CCDC167: variants seen among roughly 807,000 people sequenced by gnomAD.
CCDC167 encodes the protein coiled-coil domain-containing protein 167.
In CCDC167, 15 loss-of-function variants were observed where a neutral mutation model predicts 12.7. The observed-to-expected ratio is 1.18, with a 90% CI of 0.79 to 1.81. The LOEUF is 1.81. Ranked by LOEUF, CCDC167 falls within the 40% of genes most tolerant of loss-of-function variation. The pLI is 0.00. For synonymous variants in CCDC167, 52 were observed against 49.0 expected (o/e 1.06, Z -0.26); for missense variants, 121 against 120.1 (o/e 1.01, Z -0.03).
intron 3 of CCDC167, among the ~76,000 whole-genome samples, chr6:37,484,518 C>T (rs1243946857): frequency 2.0e-5 from 3 of 152,318 alleles, no homozygotes; most frequent in Non-Finnish European, 4.4e-5. Flanking sequence ...GGAGAGCAGA[C>T]TTCCGATGTC....
chr6:37,486,691 C>T (rs969354287), intron 1 of CCDC167, among the ~76,000 whole-genome samples: 1 of 152,310 alleles, frequency 6.6e-6, no homozygotes, highest in East Asian at 1.9e-4. Flanking sequence ...CTACTGGGCA[C>T]CCAAAAGGAG....
chr6:37,489,160 C>T (rs1157474098), intron 1 of CCDC167, among the ~76,000 whole-genome samples: 1 of 152,036 alleles, frequency 6.6e-6, no homozygotes, highest in Non-Finnish European at 1.5e-5. Flanking sequence ...TGCTTGAACC[C>T]AGGGGGTGGA....
intron 1 of CCDC167, among the ~76,000 whole-genome samples, chr6:37,490,680 T>C (rs1246071665): frequency 3.3e-5 from 5 of 151,968 alleles, no homozygotes; most frequent in Non-Finnish European, 7.4e-5. Flanking sequence ...AGATCTAAAG[T>C]CAGCCCAGCA....
Position 37,483,204 on chromosome 6 carries a change from A to G in CCDC167, c.276T>C (p.Tyr92=), listed in dbSNP as rs762743334. ...VAIFILLTLV[Y]AYWTM ...GCCAGGCTCACATGGTCCAGTAGGC[A>G]TAGACGAGCGTCAGGAGGATAAAGA... Residue 92 remains tyrosine (Y), a synonymous_variant, in exon 4 of 4, where the codon TAT becomes TAC. Transcript: ENST00000373408. The G allele has an allele frequency of 3.1e-6, 5 of 1,613,894 alleles. No homozygotes were observed. Among genetic ancestry groups the G allele is most frequent in the Non-Finnish European group, 4.2e-6 (5 of 1,179,728 alleles).
chr6:37,485,109 G>T lies in CCDC167; in HGVS notation c.128C>A (p.Pro43Gln). 6.2e-7 allele frequency: 1 copy of T among 1,612,260 alleles called. No individual in the cohort carries two copies. Among genetic ancestry groups the T allele is most frequent in the Non-Finnish European group, 8.5e-7 (1 of 1,179,750 alleles). Residue 43 changes from proline (P) to glutamine (Q), a missense_variant, in exon 2 of 4, where the codon CCA becomes CAA. By Grantham distance (76) the Pro-to-Gln change is moderately conservative (BLOSUM62 -1). Transcript: ENST00000373408. ...NSRLHSRELS[P>Q]EARRSLEKEK... ...TGGGCAGGAGCATTACCTGGCCTCT[G>T]GGCTCAGCTCCCGGCTGTGGAGTCT...
chr6:37,489,767 A>G (rs1313659047), intron 1 of CCDC167, among the ~76,000 whole-genome samples: 1 of 152,218 alleles, frequency 6.6e-6, no homozygotes, highest in Non-Finnish European at 1.5e-5. Context: ...AGGGGCTCCC[A>G]GGACTCCTGC....
Position 37,499,848 on chromosome 6 carries a change from G to A in CCDC167, c.16C>T (p.Arg6Trp), listed in dbSNP as rs1762143082. 8 of 1,614,060 alleles carry A rather than the reference G, an allele frequency of 5.0e-6. No individual in the cohort carries two copies. In the Admixed American group the frequency reaches 6.7e-5, roughly 13 times the overall value. MTKKK[R>W]ENLGVALEID... ...TCTAGAGCGACGCCCAGATTCTCCC[G>A]CTTCTTTTTAGTCATGTTACTTGCC... Residue 6 changes from arginine (R) to tryptophan (W), a missense_variant, in exon 1 of 4, where the codon CGG (arginine) becomes TGG (tryptophan). Physicochemically the swap from Arg to Trp is moderately radical, Grantham distance 101. Transcript: ENST00000373408.
intron 1 of CCDC167, among the ~76,000 whole-genome samples, chr6:37,490,447 AAGGCCCC>A (rs1179622499): frequency 1.3e-5 from 2 of 152,072 alleles, no homozygotes; most frequent in Non-Finnish European, 2.9e-5. Flanking sequence ...ACAGGTGGGA[AAGGCCCC>A]AGGGGAGGCC....
At chr6:37,486,437 G>A (rs1045149616) in intron 1 of CCDC167, among the ~76,000 whole-genome samples, 2 of 152,216 alleles carry the variant, frequency 1.3e-5, no homozygotes, top group African/African-American at 4.8e-5. Context: ...GGGGCTGAGT[G>A]TCAGGAGAGT....
chr6:37,488,167 C>G (rs566470436), intron 1 of CCDC167, among the ~76,000 whole-genome samples: 8 of 152,360 alleles, frequency 5.3e-5, no homozygotes, highest in African/African-American at 1.9e-4. Context: ...AAGCAGGAGC[C>G]AGCTGTCAAC....
At chr6:37,484,751 A>T in intron 3 of CCDC167, 59 bp downstream of exon 3, 1 of 1,602,392 alleles carries the variant, frequency 6.2e-7, no homozygotes, top group Non-Finnish European at 8.5e-7. Context: ...TGGGCTTCTG[A>T]CCCTTCCTGG....
intron 1 of CCDC167, among the ~76,000 whole-genome samples, chr6:37,499,303 C>T (rs1412766658): frequency 2.6e-5 from 4 of 152,204 alleles, no homozygotes; most frequent in African/African-American, 9.7e-5. Context: ...ATTCTCTTTA[C>T]ATATTCCCAA....
At chr6:37,484,725 G>A (rs1252697233) in intron 3 of CCDC167, 85 bp downstream of exon 3, 64 of 1,511,282 alleles carry the variant, frequency 4.2e-5, no homozygotes, top group Non-Finnish European at 5.6e-5. Flanking sequence ...GCTCCCTGCT[G>A]CCTTGTCAGG....
intron 3 of CCDC167, among the ~76,000 whole-genome samples, chr6:37,484,526 G>C (rs529856924): frequency 6.6e-6 from 1 of 152,280 alleles, no homozygotes; most frequent in African/African-American, 2.4e-5. Context: ...GACTTCCGAT[G>C]TCTAGGTGAA....
intron 1 of CCDC167, among the ~76,000 whole-genome samples, chr6:37,486,141 C>T (rs905663070): frequency 6.6e-6 from 1 of 152,154 alleles, no homozygotes; most frequent in Non-Finnish European, 1.5e-5. Flanking sequence ...AATAGTACCT[C>T]GGAGCCCCAT....
intron 1 of CCDC167, among the ~76,000 whole-genome samples, chr6:37,486,901 C>T (rs1482967598): frequency 1.3e-5 from 2 of 152,190 alleles, no homozygotes; most frequent in African/African-American, 2.4e-5. Context: ...CCCAGCCCCT[C>T]AGTACCCTGA....
intron 1 of CCDC167, among the ~76,000 whole-genome samples, chr6:37,493,165 G>A (rs1317976145): frequency 2.0e-5 from 3 of 152,204 alleles, no homozygotes; most frequent in Non-Finnish European, 4.4e-5. Flanking sequence ...TCAGAAAGGC[G>A]AGGGAACCGC....
chr6:37,494,805 AT>A (rs201478338), intron 1 of CCDC167, among the ~76,000 whole-genome samples: 141 of 115,156 alleles, frequency 1.2e-3, no homozygotes, highest in East Asian at 1.5e-3. Flanking sequence ...CTACCTACAA[AT>A]TTTTTTTTTT....
chr6:37,484,523 G>C (rs962401764), intron 3 of CCDC167, among the ~76,000 whole-genome samples: 1 of 152,196 alleles, frequency 6.6e-6, no homozygotes, highest in African/African-American at 2.4e-5. Context: ...GCAGACTTCC[G>C]ATGTCTAGGT....
Sources: allele counts gnomAD v4.1 joint callset (sites outside exome capture counted in the v4.1 genomes callset), GRCh38; gene constraint gnomAD v4.1.1; transcripts MANE v1.5; gene names NCBI Gene and HGNC (gene_info 2026-07-23, HGNC 2026-07-21).